GUCY1A2: variants seen among roughly 807,000 people sequenced by gnomAD.
GUCY1A2 encodes the protein guanylate cyclase soluble subunit alpha-2.
A neutral mutation model predicts 63.5 loss-of-function variants in GUCY1A2; 27 were observed. The ratio of observed to expected loss-of-function variants is 0.43; its 90% CI spans 0.31 to 0.59. The LOEUF is 0.59. Among genes scored for constraint, GUCY1A2 ranks in the 20% least tolerant of loss-of-function variants. The pLI, the probability that GUCY1A2 is intolerant of heterozygous loss-of-function variation, is 0.11. For synonymous variants in GUCY1A2, 364 were observed against 343.5 expected (o/e 1.06, Z -0.66); for missense variants, 768 against 913.3 (o/e 0.84, Z 2.05).
rs552507347 is a variant in GUCY1A2 at position 106,862,778 on chromosome 11, C to T, written c.1207-52300G>A. Among the ~76,000 whole-genome samples the T allele has an allele frequency of 9.2e-5, 14 of 152,130 alleles. No individual in the cohort carries two copies. The South Asian group carries it at 2.3e-3, about 25-fold the overall frequency. ...GGAGGCATGGAAGTGGCTCTGTAAACGACTCTGTTCTAACAGATCCCTGGC... is the reference window on the plus strand; with the variant it reads ...GGAGGCATGGAAGTGGCTCTGTAAATGACTCTGTTCTAACAGATCCCTGGC... On this transcript the variant is annotated intron_variant, in intron 4 of 7. Transcript: ENST00000526355.
intron 3 of GUCY1A2, among the ~76,000 whole-genome samples, chr11:106,947,349 T>C (rs1860844700): frequency 6.6e-6 from 1 of 151,816 alleles, no homozygotes; most frequent in South Asian, 2.1e-4. Flanking sequence ...TAAAATTATA[T>C]ACAACAGAAC....
chr11:106,827,880 G>C, intron 4 of GUCY1A2: 1 of 1,576,252 alleles, frequency 6.3e-7, no homozygotes. Flanking sequence ...GGGAGGGCGC[G>C]CTGCCTTCAT....
At chr11:106,979,265 C>G (rs1211258218) in intron 2 of GUCY1A2, among the ~76,000 whole-genome samples, 1 of 152,018 alleles carries the variant, frequency 6.6e-6, no homozygotes, top group Non-Finnish European at 1.5e-5. Flanking sequence ...ACCATCCTGG[C>G]TAACACGGTG....
At chr11:106,990,921 A>G (rs1861462533) in intron 1 of GUCY1A2, among the ~76,000 whole-genome samples, 1 of 152,216 alleles carries the variant, frequency 6.6e-6, no homozygotes, top group Non-Finnish European at 1.5e-5. Context: ...GCTTAGTGAC[A>G]TATACTCACA....
chr11:107,008,992 T>C (rs1317242788), intron 1 of GUCY1A2, among the ~76,000 whole-genome samples: 2 of 152,238 alleles, frequency 1.3e-5, no homozygotes, highest in Non-Finnish European at 2.9e-5. Flanking sequence ...AAGTGGACTT[T>C]ATGGACTTAC....
rs369320725 is a variant in GUCY1A2, at chr11:106,720,808, A to T, written c.1837-12142T>A. The stretch of plus-strand genomic sequence containing the variant: ...TGTCCTAGATGGGACCTTGAAACAT[A>T]AAAGAACATTAGGGGAAAATTAAGA... On this transcript the variant is annotated intron_variant, in intron 6 of 7. Transcript: ENST00000526355. Among the ~76,000 whole-genome samples, 30 of 152,306 alleles carry T rather than the reference A, an allele frequency of 2.0e-4. No homozygotes were observed. The East Asian group carries it at 5.0e-3, about 25-fold the overall frequency.
intron 4 of GUCY1A2, among the ~76,000 whole-genome samples, chr11:106,912,096 A>G (rs537579845): frequency 1.3e-5 from 2 of 152,136 alleles, no homozygotes; most frequent in South Asian, 2.1e-4. Flanking sequence ...AAAAATCAAT[A>G]TAAGTTTTAT....
At chr11:106,724,537 G>T (rs961461041) in intron 6 of GUCY1A2, among the ~76,000 whole-genome samples, 1 of 152,142 alleles carries the variant, frequency 6.6e-6, no homozygotes, top group African/African-American at 2.4e-5. Flanking sequence ...GCTCTTGAGT[G>T]CTTATTCCAA....
At chr11:106,916,808 C>T (rs1860375913) in intron 4 of GUCY1A2, among the ~76,000 whole-genome samples, 1 of 145,208 alleles carries the variant, frequency 6.9e-6, no homozygotes, top group African/African-American at 2.4e-5. Flanking sequence ...TCTGCTCTTT[C>T]ATATGAAAGA....
At chr11:106,868,568 C>G (rs1239458643) in intron 4 of GUCY1A2, among the ~76,000 whole-genome samples, 1 of 152,082 alleles carries the variant, frequency 6.6e-6, no homozygotes, top group Non-Finnish European at 1.5e-5. Flanking sequence ...AGGACCTCTT[C>G]AAGGAGAACT....
At chr11:106,855,925 A>C (rs1364825655) in intron 4 of GUCY1A2, among the ~76,000 whole-genome samples, 2 of 143,066 alleles carry the variant, frequency 1.4e-5, no homozygotes, top group African/African-American at 5.2e-5. Flanking sequence ...TTATTTATTT[A>C]TTTATTTATT....
At position 106,869,263 on chromosome 11, in the gene GUCY1A2, CTAATT is replaced by C. The variant is rs1859639573; in HGVS notation, c.1207-58790_1207-58786del. Reference sequence around the variant, plus strand: ...AAATGCCAAAATTGACAAATGGGATCTAATTAAACTAAAGAGCTTCTGCACAGCAA... The same window carrying C: ...AAATGCCAAAATTGACAAATGGGATCAAACTAAAGAGCTTCTGCACAGCAA... On this transcript the variant is annotated intron_variant, in intron 4 of 7. Transcript: ENST00000526355. Among the ~76,000 whole-genome samples, 5 of 152,264 alleles carry C rather than the reference CTAATT, an allele frequency of 3.3e-5. No individual in the cohort carries two copies. In the South Asian group the frequency reaches 1.0e-3, roughly 32 times the overall value.
intron 1 of GUCY1A2, among the ~76,000 whole-genome samples, chr11:107,002,686 T>C (rs1054853603): frequency 4.0e-4 from 61 of 152,276 alleles, no homozygotes; most frequent in Middle Eastern, 3.4e-3. Context: ...TACTGAAGGA[T>C]GAATTAGTGA....
intron 6 of GUCY1A2, among the ~76,000 whole-genome samples, chr11:106,732,907 C>A (rs1190423394): frequency 2.6e-5 from 4 of 152,070 alleles, no homozygotes; most frequent in Non-Finnish European, 5.9e-5. Flanking sequence ...AAAACAATAG[C>A]CTTACTTTCC....
chr11:107,003,458 AT>A (rs1861634787), intron 1 of GUCY1A2, among the ~76,000 whole-genome samples: 1 of 151,752 alleles, frequency 6.6e-6, no homozygotes, highest in Non-Finnish European at 1.5e-5. Flanking sequence ...CGTTGTTCTT[AT>A]TTTTTTCTCT....
At chr11:106,774,129 C>T (rs190292211) in intron 6 of GUCY1A2, among the ~76,000 whole-genome samples, 74 of 152,018 alleles carry the variant, frequency 4.9e-4, no homozygotes, top group Middle Eastern at 3.4e-3. Flanking sequence ...CAATCAATGT[C>T]ACTTTTATAA....
intron 7 of GUCY1A2, among the ~76,000 whole-genome samples, chr11:106,706,467 G>T (rs555959372): frequency 6.6e-6 from 1 of 151,730 alleles, no homozygotes; most frequent in African/African-American, 2.4e-5. Context: ...TAATCACTAA[G>T]GATCATCATA....
At chr11:106,833,298 G>A (rs1037924043) in intron 4 of GUCY1A2, among the ~76,000 whole-genome samples, 1 of 152,034 alleles carries the variant, frequency 6.6e-6, no homozygotes, top group Non-Finnish European at 1.5e-5. Context: ...CTGGGGGTTA[G>A]GACTTCAAAG....
chr11:106,924,554 T>A (rs1226686097), intron 4 of GUCY1A2, among the ~76,000 whole-genome samples: 1 of 152,230 alleles, frequency 6.6e-6, no homozygotes, highest in Admixed American at 6.5e-5. Flanking sequence ...ACTAGCTATA[T>A]AACCTTAGAA....
Sources: gnomAD v4.1 joint callset for allele counts (sites outside exome capture counted in the v4.1 genomes callset) on GRCh38, gnomAD v4.1.1 for gene constraint, MANE v1.5 for transcripts, NCBI Gene and HGNC (gene_info 2026-07-23, HGNC 2026-07-21) for gene names.